ADAMTSL1: variants seen among roughly 807,000 people sequenced by gnomAD.
ADAMTSL1 encodes the protein ADAMTS-like protein 1.
ADAMTSL1 carries 126 observed loss-of-function variants against 201.8 expected under a neutral mutation model. That is an observed-to-expected ratio of 0.62 (90% confidence interval 0.54 to 0.72). The LOEUF (loss-of-function observed/expected upper bound fraction) is 0.72. ADAMTSL1 is among the 30% of genes least tolerant of loss of function. The probability of loss-of-function intolerance (pLI) is 0.00; values close to 1 mark genes in which losing one functional copy is unlikely to be tolerated. For synonymous variants in ADAMTSL1, 1,121 were observed against 903.4 expected (o/e 1.24, Z -4.32); for missense variants, 2,679 against 2,277.8 (o/e 1.18, Z -3.59).
At chr9:18,280,719 AATATAAGTG>A (rs1563854836) in intron 2 of ADAMTSL1, among the ~76,000 whole-genome samples, 1 of 152,222 alleles carries the variant, frequency 6.6e-6, no homozygotes, top group African/African-American at 2.4e-5. Context: ...GTTACGTAGA[AATATAAGTG>A]ACTTGTCTTT....
chr9:18,778,633 A>G (rs985422302), intron 19 of ADAMTSL1, among the ~76,000 whole-genome samples: 1 of 152,182 alleles, frequency 6.6e-6, no homozygotes, highest in African/African-American at 2.4e-5. Flanking sequence ...TAATCTTTAC[A>G]GGGGCCCTGG....
intron 20 of ADAMTSL1, among the ~76,000 whole-genome samples, chr9:18,814,894 A>G (rs898032515): frequency 3.7e-4 from 57 of 152,332 alleles, no homozygotes; most frequent in African/African-American, 1.0e-3. Flanking sequence ...AATAAGGGCA[A>G]AAGACCTGAA....
chr9:18,869,453 C>T (rs1225173861), intron 23 of ADAMTSL1, among the ~76,000 whole-genome samples: 3 of 152,182 alleles, frequency 2.0e-5, no homozygotes, highest in Admixed American at 6.5e-5. Context: ...TTGTCTAATA[C>T]CTGAAAACAG....
intron 2 of ADAMTSL1, among the ~76,000 whole-genome samples, chr9:18,231,117 C>A (rs372481548): frequency 1.7e-4 from 26 of 152,142 alleles, no homozygotes; most frequent in African/African-American, 5.3e-4. Flanking sequence ...TTTATTGCAA[C>A]CCCCGGGCTT....
intron 1 of ADAMTSL1, among the ~76,000 whole-genome samples, chr9:17,997,314 G>A (rs1453497426): frequency 7.2e-5 from 11 of 152,128 alleles, no homozygotes; most frequent in African/African-American, 2.4e-4. Flanking sequence ...AAGGGTGTTG[G>A]TTACAATTTT....
chr9:18,826,112 C>T (rs1324472929), intron 21 of ADAMTSL1, 172 bp from the exon 22 acceptor site: 1 of 715,690 alleles, frequency 1.4e-6, no homozygotes, highest in African/African-American at 1.8e-5. Context: ...AAGTCTATAT[C>T]CTTATCCTAC....
intron 2 of ADAMTSL1, among the ~76,000 whole-genome samples, chr9:18,259,975 G>T (rs1266672951): frequency 6.6e-6 from 1 of 152,134 alleles, no homozygotes; most frequent in Admixed American, 6.5e-5. Context: ...GAAATAATTT[G>T]CTGATACTAC....
chr9:18,537,998 G>C (rs937460339), intron 3 of ADAMTSL1, among the ~76,000 whole-genome samples: 2 of 151,510 alleles, frequency 1.3e-5, no homozygotes, highest in Non-Finnish European at 2.9e-5. Flanking sequence ...GGAAGAAGAA[G>C]AAGAAGGAGG....
At chr9:18,053,014 G>A (rs1822004725) in intron 1 of ADAMTSL1, among the ~76,000 whole-genome samples, 1 of 152,202 alleles carries the variant, frequency 6.6e-6, no homozygotes, top group Non-Finnish European at 1.5e-5. Context: ...GTAAACTTGA[G>A]GGCAATGTAT....
At chr9:18,214,919 C>T (rs1053081246) in intron 2 of ADAMTSL1, among the ~76,000 whole-genome samples, 11 of 152,116 alleles carry the variant, frequency 7.2e-5, no homozygotes, top group Non-Finnish European at 1.2e-4. Flanking sequence ...TTCTGCCCAC[C>T]GTAGATCAGG....
intron 4 of ADAMTSL1, among the ~76,000 whole-genome samples, chr9:18,576,274 G>A (rs1162965692): frequency 2.0e-5 from 3 of 152,112 alleles, no homozygotes; most frequent in African/African-American, 7.2e-5. Context: ...TTGCATTTAA[G>A]CACTAACAAG....
intron 1 of ADAMTSL1, among the ~76,000 whole-genome samples, chr9:17,963,858 A>T (rs1183171815): frequency 6.6e-6 from 1 of 152,064 alleles, no homozygotes; most frequent in Non-Finnish European, 1.5e-5. Context: ...TAAGAGCCAA[A>T]TTTTTTAAAA....
chr9:18,245,373 C>T (rs1454589559), intron 2 of ADAMTSL1, among the ~76,000 whole-genome samples: 2 of 151,954 alleles, frequency 1.3e-5, no homozygotes, highest in Admixed American at 1.3e-4. Context: ...TTAGGAATTC[C>T]TATATTTTTC....
intron 2 of ADAMTSL1, among the ~76,000 whole-genome samples, chr9:18,459,979 C>G (rs565981882): frequency 1.3e-5 from 2 of 152,206 alleles, no homozygotes; most frequent in South Asian, 4.2e-4. Context: ...AGAATAAAAT[C>G]AAGATTTGCC....
intron 2 of ADAMTSL1, among the ~76,000 whole-genome samples, chr9:18,227,984 T>G (rs936096105): frequency 6.6e-6 from 1 of 152,176 alleles, no homozygotes; most frequent in African/African-American, 2.4e-5. Context: ...CACTTTACCA[T>G]AGAAGCATAC....
chr9:18,158,322 G>A (rs1827242934), intron 1 of ADAMTSL1, among the ~76,000 whole-genome samples: 1 of 151,956 alleles, frequency 6.6e-6, no homozygotes, highest in African/African-American at 2.4e-5. Context: ...AATTTCTTTA[G>A]TAGATGTATA....
At chr9:18,430,208 G>T (rs1170383111) in intron 2 of ADAMTSL1, among the ~76,000 whole-genome samples, 1 of 152,154 alleles carries the variant, frequency 6.6e-6, no homozygotes, top group Admixed American at 6.5e-5. Context: ...CTGAGATTGC[G>T]CATTCTTAAT....
rs142043287 is a variant in ADAMTSL1 at position 18,038,021 on chromosome 9, A to T, written c.88-125841A>T. 4.8e-3 allele frequency among the ~76,000 whole-genome samples: 729 copies of T among 152,296 alleles called. 4 individuals are homozygous for T. Among genetic ancestry groups the T allele is most frequent in the Middle Eastern group, 0.014 (4 of 294 alleles). Reference sequence around the variant, plus strand: ...ATTTTTTATTTCAGTGATCGTGATGATACGAGAAATCAAAGAGCACTTGGG... The same window carrying T: ...ATTTTTTATTTCAGTGATCGTGATGTTACGAGAAATCAAAGAGCACTTGGG... On this transcript the variant is annotated intron_variant, in intron 1 of 29. Transcript: ENST00000680146.
At chr9:18,169,441 T>C (rs1289096710) in intron 2 of ADAMTSL1, among the ~76,000 whole-genome samples, 5 of 152,122 alleles carry the variant, frequency 3.3e-5, no homozygotes, top group Non-Finnish European at 5.9e-5. Context: ...GTTGTAGATA[T>C]GTGGCATTAT....
Sources: gnomAD v4.1 joint callset for allele counts (sites outside exome capture counted in the v4.1 genomes callset) on GRCh38, gnomAD v4.1.1 for gene constraint, MANE v1.5 for transcripts, NCBI Gene and HGNC (gene_info 2026-07-23, HGNC 2026-07-21) for gene names.